The following TAF1 variants were observed in gnomAD, a reference collection of about 807,000 sequenced individuals.
TAF1 encodes the protein TATA-box binding protein associated factor 1, also known as transcription initiation factor TFIID subunit 1.
In TAF1, 2 loss-of-function variants were observed where a neutral mutation model predicts 138.5. The observed-to-expected ratio is 0.01, with a 90% CI of 0.01 to 0.05. The LOEUF (loss-of-function observed/expected upper bound fraction) is 0.05. TAF1 is among the 10% of genes least tolerant of loss of function. The pLI is 1.00. For synonymous variants in TAF1, 437 were observed against 503.2 expected, an observed-to-expected ratio of 0.87 and a Z score of 1.76; for missense variants, 709 against 1,478.0, an observed-to-expected ratio of 0.48 and a Z score of 8.53.
intron 7 of TAF1, 94 bp from the exon 8 acceptor site, chrX:71,378,730 C>A: frequency 1.0e-5 from 10 of 955,537 alleles, no homozygotes; most frequent in Non-Finnish European, 1.5e-5. Context: ...GGACCACTTA[C>A]AATGTGTCTG....
chrX:71,479,881 G>T (rs1203819882), intron 13 of TAF1, among the ~76,000 whole-genome samples: 1 of 111,727 alleles, frequency 9.0e-6, no homozygotes. Context: ...AGGGGAAGGA[G>T]AATGATAGTA....
chrX:71,459,449 G>A, intron 35 of TAF1, 103 bp from the exon 36 acceptor site: 1 of 1,108,696 alleles, frequency 9.0e-7, no homozygotes, highest in Non-Finnish European at 1.2e-6. Context: ...GGCAGCAAGT[G>A]GAGGGATGGG....
intron 32 of TAF1, among the ~76,000 whole-genome samples, chrX:71,435,668 A>T (rs1177581978): frequency 1.8e-5 from 2 of 111,740 alleles, no homozygotes; most frequent in Non-Finnish European, 3.8e-5. Flanking sequence ...TTTTCTGGTT[A>T]TAGTAGGAGG....
At chrX:71,511,500 C>T (rs2039730194) in intron 13 of TAF1, among the ~76,000 whole-genome samples, 1 of 112,441 alleles carries the variant, frequency 8.9e-6, no homozygotes, top group African/African-American at 3.2e-5. Flanking sequence ...CATTTCAATC[C>T]CATCTTCAAG....
At chrX:71,388,112 C>A (rs2034350206) in intron 15 of TAF1, 125 bp from the exon 16 acceptor site, 5 of 978,585 alleles carry the variant, frequency 5.1e-6, no homozygotes. Context: ...AAAAAGTAGG[C>A]TGTGTGGGTT....
chrX:71,528,131 G>A (rs1408173405), intron 13 of TAF1: 13 of 203,798 alleles, frequency 6.4e-5, no homozygotes, highest in Non-Finnish European at 9.2e-5. Flanking sequence ...CTAGTGTGAA[G>A]TGTTTTACCA....
Position 71,389,094 on chromosome X carries a change from A to G in TAF1, c.2700+226A>G, listed in dbSNP as rs140961364. 7.0e-3 allele frequency among the ~76,000 whole-genome samples: 779 copies of G among 111,779 alleles called. 10 individuals are homozygous for G. Among genetic ancestry groups the G allele is most frequent in the African/African-American group, 0.024 (739 of 30,823 alleles). On this transcript the variant is annotated intron_variant, in intron 17 of 37. Coordinates refer to ENST00000423759, the MANE Select transcript of TAF1 (RefSeq NM_004606.5). ...AGCTAAGTATCAGTGGGAAGGCATA[A>G]TGAGGAACTTTGGGCATATTGTTTT...
At chrX:71,476,731 A>G (rs1046446814) in intron 13 of TAF1, among the ~76,000 whole-genome samples, 5 of 110,958 alleles carry the variant, frequency 4.5e-5, no homozygotes, top group African/African-American at 1.6e-4. Flanking sequence ...AAATGTAGCA[A>G]TGGAATAGAG....
intron 14 of TAF1, among the ~76,000 whole-genome samples, chrX:71,529,314 G>T (rs1569420626): frequency 9.1e-6 from 1 of 110,319 alleles, no homozygotes; most frequent in Non-Finnish European, 1.9e-5. Context: ...CTCATGATCT[G>T]CCTGCTTCAG....
chrX:71,420,503 C>A, intron 28 of TAF1: 1 of 1,206,115 alleles, frequency 8.3e-7, no homozygotes, highest in Non-Finnish European at 1.1e-6. Context: ...CGGCCTCCAT[C>A]TTCTCCTCAA....
chrX:71,440,598 AT>A (rs1326587946), intron 32 of TAF1, among the ~76,000 whole-genome samples: 2 of 109,562 alleles, frequency 1.8e-5, no homozygotes, highest in African/African-American at 6.7e-5. Flanking sequence ...TGAAAACCCA[AT>A]GTCGTCACAC....
intron 13 of TAF1, among the ~76,000 whole-genome samples, chrX:71,478,245 T>C (rs1448085437): frequency 5.4e-5 from 6 of 110,226 alleles, no homozygotes; most frequent in African/African-American, 1.6e-4. Context: ...TCCCAGCTAC[T>C]TGGGAGGCTG....
intron 13 of TAF1, among the ~76,000 whole-genome samples, chrX:71,512,171 C>T (rs766302818): frequency 2.9e-4 from 32 of 110,449 alleles, no homozygotes; most frequent in Non-Finnish European, 4.5e-4. Context: ...AAAAATTAGC[C>T]GAACGTGGTG....
At chrX:71,514,473 A>AC (rs2039790928) in intron 13 of TAF1, among the ~76,000 whole-genome samples, 1 of 108,762 alleles carries the variant, frequency 9.2e-6, no homozygotes, top group East Asian at 2.9e-4. Flanking sequence ...CAAAAAAAAA[A>AC]AAAAAAAAAA....
At chrX:71,518,552 G>A (rs956370183) in intron 13 of TAF1, among the ~76,000 whole-genome samples, 3 of 111,145 alleles carry the variant, frequency 2.7e-5, no homozygotes, top group African/African-American at 9.8e-5. Context: ...AATACAAATG[G>A]TACACACCTG....
intron 13 of TAF1, among the ~76,000 whole-genome samples, chrX:71,479,806 T>G (rs1242239637): frequency 9.0e-6 from 1 of 111,452 alleles, no homozygotes; most frequent in Non-Finnish European, 1.9e-5. Context: ...ATTTGTGATA[T>G]ATTTCATAAA....
At chrX:71,451,945 A>C (rs2037989263) in intron 32 of TAF1, among the ~76,000 whole-genome samples, 1 of 112,596 alleles carries the variant, frequency 8.9e-6, no homozygotes, top group South Asian at 3.6e-4. Context: ...TTTCTATTCC[A>C]CAAAACTGCC....
At chrX:71,445,408 C>T (rs750277561) in intron 32 of TAF1, among the ~76,000 whole-genome samples, 2 of 110,839 alleles carry the variant, frequency 1.8e-5, no homozygotes, top group African/African-American at 3.3e-5. Context: ...GTCCATGATC[C>T]GTTGTTAATT....
chrX:71,489,417 C>T (rs1008741120), intron 13 of TAF1, among the ~76,000 whole-genome samples: 1 of 111,134 alleles, frequency 9.0e-6, no homozygotes, highest in African/African-American at 3.3e-5. Flanking sequence ...TGGCTCATGC[C>T]TGTAATCCTG....
Sources: gnomAD v4.1 joint callset for allele counts (sites outside exome capture counted in the v4.1 genomes callset) on GRCh38, gnomAD v4.1.1 for gene constraint, MANE v1.5 for transcripts, NCBI Gene and HGNC (gene_info 2026-07-23, HGNC 2026-07-21) for gene names.